The following CPA6 variants were observed in gnomAD, a reference collection of about 807,000 sequenced individuals.
CPA6 encodes carboxypeptidase A6.
A neutral mutation model predicts 63.3 loss-of-function variants in CPA6; 58 were observed. That is an observed-to-expected ratio of 0.92 (90% CI 0.74 to 1.14). CPA6 has a LOEUF of 1.14. Among genes scored for constraint, CPA6 ranks in the 50% most tolerant of loss-of-function variants. The pLI is 0.00. For missense variants in CPA6, 565 were observed against 526.6 expected, an observed-to-expected ratio of 1.07 and a Z score of -0.71; for synonymous variants, 185 against 179.0, an observed-to-expected ratio of 1.03 and a Z score of -0.27.
At chr8:67,508,117 G>C (rs1357460552) in intron 5 of CPA6, among the ~76,000 whole-genome samples, 1 of 150,922 alleles carries the variant, frequency 6.6e-6, no homozygotes, top group African/African-American at 2.4e-5. Context: ...AGCATGAGAG[G>C]GTCAAGAATG....
intron 8 of CPA6, among the ~76,000 whole-genome samples, chr8:67,436,379 G>T (rs895447262): frequency 7.5e-6 from 1 of 132,718 alleles, no homozygotes; most frequent in African/African-American, 3.7e-5. Context: ...GGTTTTTGTT[G>T]TTGGGTATTT....
chr8:67,443,627 AC>A (rs1200006652), intron 8 of CPA6, among the ~76,000 whole-genome samples: 1 of 152,114 alleles, frequency 6.6e-6, no homozygotes, highest in Non-Finnish European at 1.5e-5. Flanking sequence ...CCAGAAAGAA[AC>A]CCCATACTTT....
intron 1 of CPA6, among the ~76,000 whole-genome samples, chr8:67,673,564 T>G (rs1816401383): frequency 6.7e-6 from 1 of 149,786 alleles, no homozygotes; most frequent in African/African-American, 2.4e-5. Context: ...TTTTTTTTTT[T>G]TGTATTTTTA....
intron 1 of CPA6, among the ~76,000 whole-genome samples, chr8:67,646,613 T>C (rs1815719717): frequency 6.6e-6 from 1 of 152,178 alleles, no homozygotes; most frequent in Non-Finnish European, 1.5e-5. Flanking sequence ...TTTTAGGTAG[T>C]GATGAGGGTC....
At chr8:67,670,675 A>T (rs968617116) in intron 1 of CPA6, among the ~76,000 whole-genome samples, 5 of 152,146 alleles carry the variant, frequency 3.3e-5, no homozygotes, top group Admixed American at 1.3e-4. Context: ...TACTAAGAAA[A>T]CCAGTAAAAA....
At position 67,468,820 on chromosome 8, in the gene CPA6, G is replaced by A. The variant is rs76626017; in HGVS notation, c.838+14948C>T. On this transcript the variant is annotated intron_variant, in intron 8 of 10. Transcript: ENST00000297770. ...CTCTGGGTCCTCACTTCTCACTACT[G>A]CTTCCTGTCATCCTTCATCAGAGCC... Among the ~76,000 whole-genome samples, 864 of 152,102 alleles carry A rather than the reference G, an allele frequency of 5.7e-3. 21 individuals are homozygous for A. The highest frequency in any genetic ancestry group is 0.046 in the Admixed American group (703 of 15,258).
At chr8:67,544,801 AGGAT>A (rs1812778558) in intron 2 of CPA6, among the ~76,000 whole-genome samples, 1 of 152,190 alleles carries the variant, frequency 6.6e-6, no homozygotes, top group East Asian at 1.9e-4. Flanking sequence ...AACTTCCACC[AGGAT>A]GCAAGCAGAG....
intron 2 of CPA6, among the ~76,000 whole-genome samples, chr8:67,585,357 G>A (rs916816950): frequency 6.6e-6 from 1 of 152,170 alleles, no homozygotes; most frequent in African/African-American, 2.4e-5. Context: ...GGTAGGCAAG[G>A]GGACTAGGGC....
At chr8:67,568,558 A>G (rs1036386018) in intron 2 of CPA6, among the ~76,000 whole-genome samples, 1 of 152,222 alleles carries the variant, frequency 6.6e-6, no homozygotes, top group South Asian at 2.1e-4. Context: ...AGCTGGCTCA[A>G]TCAAGCTGAA....
Position 67,450,921 on chromosome 8 carries a change from G to A in CPA6, c.839-16681C>T, listed in dbSNP as rs7840914. 5.3e-5 allele frequency among the ~76,000 whole-genome samples: 8 copies of A among 152,036 alleles called. No homozygotes were observed. The East Asian group carries it at 1.2e-3, about 22-fold the overall frequency. The stretch of plus-strand genomic sequence containing the variant: ...AATCTTAGAAGTAGCTGTGTTTGGC[G>A]GCAGAAGGCTGTAAAAGTGATAGCA... On this transcript the variant is annotated intron_variant, in intron 8 of 10. Transcript: ENST00000297770.
chr8:67,641,410 C>A, intron 1 of CPA6, among the ~76,000 whole-genome samples: 1 of 147,084 alleles, frequency 6.8e-6, no homozygotes, highest in South Asian at 2.1e-4. Flanking sequence ...AATGACCAGA[C>A]TAAATTTCTA....
chr8:67,736,581 T>G (rs556538739), intron 1 of CPA6, among the ~76,000 whole-genome samples: 1 of 152,330 alleles, frequency 6.6e-6, no homozygotes, highest in African/African-American at 2.4e-5. Context: ...TTTCTAGACC[T>G]TTCTGCTACT....
At chr8:67,436,435 C>T (rs370964492) in intron 8 of CPA6, among the ~76,000 whole-genome samples, 19 of 126,020 alleles carry the variant, frequency 1.5e-4, no homozygotes, top group African/African-American at 2.9e-4. Context: ...TTTTTGGCAA[C>T]GACCAAAAAA....
chr8:67,708,513 A>G (rs1240290890), intron 1 of CPA6, among the ~76,000 whole-genome samples: 1 of 152,210 alleles, frequency 6.6e-6, no homozygotes, highest in East Asian at 1.9e-4. Flanking sequence ...GGGATGGGCC[A>G]TCAAACTCCA....
chr8:67,721,961 C>T (rs191422102), intron 1 of CPA6, among the ~76,000 whole-genome samples: 1 of 152,142 alleles, frequency 6.6e-6, no homozygotes, highest in African/African-American at 2.4e-5. Context: ...TCAATGGAAG[C>T]CAATTGTTCA....
chr8:67,473,282 T>A (rs1811104495), intron 8 of CPA6, among the ~76,000 whole-genome samples: 1 of 152,206 alleles, frequency 6.6e-6, no homozygotes, highest in African/African-American at 2.4e-5. Flanking sequence ...AGAGGAGTGC[T>A]GAAAGGGATT....
chr8:67,506,986 G>A, intron 5 of CPA6, 98 bp from the exon 6 acceptor site: 1 of 825,926 alleles, frequency 1.2e-6, no homozygotes. Flanking sequence ...ACTGTAGTGT[G>A]GTTCATTAGG....
At chr8:67,668,573 G>A (rs1816279830) in intron 1 of CPA6, among the ~76,000 whole-genome samples, 1 of 152,286 alleles carries the variant, frequency 6.6e-6, no homozygotes, top group South Asian at 2.1e-4. Context: ...ATGATATATA[G>A]CACATACCCC....
At chr8:67,471,158 A>G (rs1254308298) in intron 8 of CPA6, among the ~76,000 whole-genome samples, 1 of 152,034 alleles carries the variant, frequency 6.6e-6, no homozygotes, top group Non-Finnish European at 1.5e-5. Flanking sequence ...GAAACCCACC[A>G]AAGATTCTCC....
Sources: gnomAD v4.1 joint callset for allele counts (sites outside exome capture counted in the v4.1 genomes callset) on GRCh38, gnomAD v4.1.1 for gene constraint, MANE v1.5 for transcripts, NCBI Gene and HGNC (gene_info 2026-07-23, HGNC 2026-07-21) for gene names.